Variants in TACC3 observed in about 807,000 individuals in gnomAD.
The protein encoded by TACC3 is transforming acidic coiled-coil-containing protein 3.
Under a neutral mutation model 86.0 loss-of-function variants are expected in TACC3, and 52 were observed. The observed-to-expected ratio is 0.60, with a 90% confidence interval of 0.48 to 0.76. The LOEUF is 0.76. Ranked by LOEUF, TACC3 falls within the 30% of genes least tolerant of loss-of-function variation. The pLI, the probability that TACC3 is intolerant of heterozygous loss-of-function variation, is 0.00. For missense variants in TACC3, 1,120 were observed against 1,070.4 expected (o/e 1.05, Z -0.65); for synonymous variants, 512 against 430.0 (o/e 1.19, Z -2.36).
At chr4:1,729,835 G>A (rs1256355758) in intron 4 of TACC3, among the ~76,000 whole-genome samples, 1 of 152,072 alleles carries the variant, frequency 6.6e-6, no homozygotes, top group Non-Finnish European at 1.5e-5. Flanking sequence ...ATTAACGGGT[G>A]CCTTCCCAGG....
chr4:1,744,481 G>A (rs779482983), intron 13 of TACC3, 37 bp from the exon 14 acceptor site: 44 of 1,587,898 alleles, frequency 2.8e-5, no homozygotes, highest in Admixed American at 3.4e-5. Flanking sequence ...TCCAGCAGAC[G>A]GCGTGGTACC....
intron 9 of TACC3, 125 bp downstream of exon 9, chr4:1,737,453 TGTGCTGTTCCCTCGCC>T: frequency 8.8e-7 from 1 of 1,138,380 alleles, no homozygotes; most frequent in Non-Finnish European, 1.3e-6. Flanking sequence ...ATGGGGCCGC[TGTGCTGTTCCCTCGCC>T]GCACTGTCTC....
In TACC3 at chr4:1,728,704, C is replaced by T; in HGVS notation, c.1302C>T (p.Ser434=). 2 of 1,613,584 alleles carry T rather than the reference C, an allele frequency of 1.2e-6. No homozygotes were observed. Among genetic ancestry groups the T allele is most frequent in the Non-Finnish European group, 1.7e-6 (2 of 1,180,012 alleles). ...SGCSEAQPPE[S]PETRLGQPAA... ...GCAGTGAGGCCCAGCCCCCAGAAAG[C>T]CCTGAGACCAGGCTGGGCCAGCCAG... Residue 434 remains serine, a synonymous_variant, in exon 4 of 16, where the codon AGC becomes AGT. Coordinates refer to ENST00000313288, the MANE Select transcript of TACC3 (RefSeq NM_006342.3).
chr4:1,726,381 G>A (rs1477948553), intron 3 of TACC3, among the ~76,000 whole-genome samples: 2 of 152,186 alleles, frequency 1.3e-5, no homozygotes, highest in Non-Finnish European at 2.9e-5. Flanking sequence ...TCCCCGACTT[G>A]AAGGGGAAAG....
At chr4:1,727,591 G>A in intron 3 of TACC3, 117 bp from the exon 4 acceptor site, 1 of 1,480,680 alleles carries the variant, frequency 6.8e-7, no homozygotes. Flanking sequence ...CCGTGCCAAG[G>A]GTGACTCAGC....
At chr4:1,740,127 C>A in intron 12 of TACC3, 125 bp downstream of exon 12, 1 of 930,746 alleles carries the variant, frequency 1.1e-6, no homozygotes, top group Non-Finnish European at 1.7e-6. Flanking sequence ...ACACACGAGT[C>A]CCTTCAACAT....
intron 3 of TACC3, among the ~76,000 whole-genome samples, chr4:1,726,104 G>C (rs894855149): frequency 1.3e-5 from 2 of 152,224 alleles, no homozygotes; most frequent in African/African-American, 4.8e-5. Context: ...CTGTGTTGTA[G>C]TCCAGCCCCA....
chr4:1,724,130 G>A (rs1165704207), intron 3 of TACC3, among the ~76,000 whole-genome samples: 10 of 151,622 alleles, frequency 6.6e-5, no homozygotes, highest in South Asian at 6.3e-4. Flanking sequence ...CACCACGCCC[G>A]GCTAATTTTT....
rs772058052 is a variant in TACC3 at position 1,728,536 on chromosome 4, G to A, written c.1134G>A (p.Pro378=). 5.6e-6 allele frequency: 9 copies of A among 1,613,878 alleles called. No homozygotes were observed. Among genetic ancestry groups the A allele is most frequent in the East Asian group, 4.5e-5 (2 of 44,900 alleles). The change falls in exon 4 of 16, where the codon CCG becomes CCA. Residue 378 remains proline, a synonymous_variant. Coordinates refer to ENST00000313288, the MANE Select transcript of TACC3 (RefSeq NM_006342.3). ...RKAAVRQQKA[P]QEVEEDDGRS... ...CAGCAGTGAGGCAGCAAAAGGCCCC[G>A]CAGGAGGTGGAGGAGGACGACGGTA...
At position 1,727,800 on chromosome 4, in the gene TACC3, G is replaced by GC; in HGVS notation, c.401dup (p.Ala135SerfsTer17). The GC allele has an allele frequency of 6.2e-7, 1 of 1,613,334 alleles. No homozygotes were observed. The highest frequency in any genetic ancestry group is 8.5e-7 in the Non-Finnish European group (1 of 1,179,978). The stretch of plus-strand genomic sequence containing the variant: ...GACACCGACCTCCTGGGGGATGCAA[G>GC]CCCAGCCTTTGGGAGTGGCAGCTCC... On this transcript the variant is annotated frameshift_variant, in exon 4 of 16. Coordinates refer to ENST00000313288, the MANE Select transcript of TACC3 (RefSeq NM_006342.3). LOFTEE classifies it high-confidence loss of function.
chr4:1,733,286 G>GTAAA (rs1718093576), intron 6 of TACC3, among the ~76,000 whole-genome samples: 1 of 152,142 alleles, frequency 6.6e-6, no homozygotes, highest in Admixed American at 6.5e-5. Flanking sequence ...GTTTTAAGAG[G>GTAAA]TAAATCCCTT....
intron 13 of TACC3, 190 bp downstream of exon 13, chr4:1,741,176 T>C: frequency 1.9e-6 from 1 of 520,676 alleles, no homozygotes; most frequent in Non-Finnish European, 3.3e-6. Flanking sequence ...GCGAGGCAGC[T>C]GAGGGCGGCA....
At chr4:1,733,560 G>C (rs1376539654) in intron 6 of TACC3, among the ~76,000 whole-genome samples, 1 of 152,106 alleles carries the variant, frequency 6.6e-6, no homozygotes, top group African/African-American at 2.4e-5. Flanking sequence ...TCGGGAAGCT[G>C]AGATGGGAGG....
At chr4:1,729,151 T>C (rs1047257007) in intron 4 of TACC3, among the ~76,000 whole-genome samples, 3 of 152,164 alleles carry the variant, frequency 2.0e-5, no homozygotes, top group Admixed American at 6.5e-5. Context: ...AGCCTGTTAC[T>C]GCCTGGGTGG....
chr4:1,735,849 C>T lies in TACC3; in HGVS notation c.1748+15C>T. On this transcript the variant is annotated intron_variant, in intron 8 of 15. Coordinates refer to ENST00000313288, the MANE Select transcript of TACC3 (RefSeq NM_006342.3). This position sits in a 1 kb window ranked among gnomAD's most constrained non-coding sequence, Gnocchi z 4.2. ...GAGACCAGCAGGTATGTGCGCCGGC[C>T]CTCCCTCATGCATGAAGCCTTGAGT... The T allele has an allele frequency of 6.4e-7, 1 of 1,553,232 alleles. No individual in the cohort carries two copies. The highest frequency in any genetic ancestry group is 8.8e-7 in the Non-Finnish European group (1 of 1,136,342).
rs35896374 is a variant in TACC3 at position 1,724,379 on chromosome 4, C to CTTTTTT, written c.305+530_305+535dup. Among the ~76,000 whole-genome samples, 11 of 108,384 alleles carry CTTTTTT rather than the reference C, an allele frequency of 1.0e-4. 2 individuals carry two copies. Among genetic ancestry groups the CTTTTTT allele is most frequent in the Admixed American group, 4.8e-4 (5 of 10,386 alleles). The allele number at this position is 108,384 out of a possible 152,430, so 71.1% of individuals were successfully genotyped here. ...GATACTTGGATAACTTCATACTTCA[C>CTTTTTT]TTTTTTTTTTTTTTTTTTTTTTTTT... On this transcript the variant is annotated intron_variant, in intron 3 of 15. Transcript: ENST00000313288.
At chr4:1,733,518 G>GA (rs397738737) in intron 6 of TACC3, among the ~76,000 whole-genome samples, 2 of 151,278 alleles carry the variant, frequency 1.3e-5, no homozygotes, top group African/African-American at 4.9e-5. Context: ...TTATTACCTG[G>GA]CATGGTGGCG....
rs199899542 is a variant in TACC3 at position 1,737,285 on chromosome 4, C to T, written c.1793C>T (p.Ala598Val). Residue 598 changes from alanine to valine, a missense_variant, in exon 9 of 16, where the codon GCC becomes GTC. By Grantham distance (64) the Ala-to-Val change is moderately conservative. Transcript: ENST00000313288. The part of the protein sequence containing the change: ...NETPSGRPRE[A>V]KLVEFDFLGA... ...ACTCCCTCAGGACGTCCGCGGGAAG[C>T]CAAGCTTGTGGAGTTCGATTTCTTG... 13 of 1,614,156 alleles carry T rather than the reference C, an allele frequency of 8.1e-6. No homozygotes were observed. Among genetic ancestry groups the T allele is most frequent in the Non-Finnish European group, 9.3e-6 (11 of 1,180,038 alleles).
chr4:1,737,608 C>T lies in TACC3; in HGVS notation c.1847C>T (p.Pro616Leu). 1 of 1,513,844 alleles carries T rather than the reference C, an allele frequency of 6.6e-7. No homozygotes were observed. Among genetic ancestry groups the T allele is most frequent in the South Asian group, 1.3e-5 (1 of 79,340 alleles). The allele number at this position is 1,513,844 out of a possible 1,614,324, so 93.8% of individuals were successfully genotyped here. The change falls in exon 10 of 16, where the codon CCA (proline) becomes CTA (leucine). Residue 616 changes from proline (P) to leucine (L), a missense_variant. By Grantham distance (98) the Pro-to-Leu change is moderately conservative (BLOSUM62 -3). Transcript: ENST00000313288. ...LGALDIPVPGPPPGVPAPGGP... is the reference protein window; with the variant it reads ...LGALDIPVPGLPPGVPAPGGP... ...CCCCATCTCCCGCAGGTGCCAGGCC[C>T]ACCCCCAGGTGTTCCCGCGCCTGGG... is the stretch of plus-strand genomic sequence containing the variant.
Sources: gnomAD v4.1 joint callset for allele counts (sites outside exome capture counted in the v4.1 genomes callset) on GRCh38, gnomAD v4.1.1 for gene constraint, Gnocchi (gnomAD v3.1) non-coding constraint, MANE v1.5 for transcripts, NCBI Gene and HGNC (gene_info 2026-07-23, HGNC 2026-07-21) for gene names.